The following HYDIN variants were observed in gnomAD, a reference collection of about 807,000 sequenced individuals.
HYDIN encodes the protein axonemal central pair apparatus protein HYDIN.
In HYDIN, 132 loss-of-function variants were observed where a neutral mutation model predicts 403.9. The ratio of observed to expected loss-of-function variants is 0.33; its 90% CI spans 0.28 to 0.38. The LOEUF (loss-of-function observed/expected upper bound fraction) is 0.38, where lower values mean the gene tolerates loss of function less well. Ranked by LOEUF, HYDIN falls within the 10% of genes least tolerant of loss-of-function variation. The pLI is 1.00. For synonymous variants in HYDIN, 1,202 were observed against 1,891.7 expected, an observed-to-expected ratio of 0.64 and a Z score of 9.46; for missense variants, 2,827 against 5,009.5, an observed-to-expected ratio of 0.56 and a Z score of 13.15.
chr16:70,967,033 G>A (rs2078597929), intron 36 of HYDIN, among the ~76,000 whole-genome samples: 1 of 151,686 alleles, frequency 6.6e-6, no homozygotes, highest in African/African-American at 2.4e-5. Context: ...TAAATTAGAG[G>A]ATGGAAAGGG....
intron 19 of HYDIN, among the ~76,000 whole-genome samples, chr16:71,030,329 T>C (rs2080859249): frequency 6.6e-6 from 1 of 151,804 alleles, no homozygotes; most frequent in South Asian, 2.1e-4. Flanking sequence ...AGTGCTGGGA[T>C]CATAGGCATA....
At chr16:71,029,796 A>G (rs971501333) in intron 19 of HYDIN, among the ~76,000 whole-genome samples, 1 of 152,006 alleles carries the variant, frequency 6.6e-6, no homozygotes, top group Non-Finnish European at 1.5e-5. Context: ...AGCAGAGGGA[A>G]GGATTCTGGG....
In HYDIN at chr16:70,892,460, C is replaced by A. The variant is rs767521129; in HGVS notation, c.9318G>T (p.Lys3106Asn). ...INSMISVQPK[K>N]GSLTPTEKPT... ...GTTTTTCTGTTGGGGTCAGTGAACC[C>A]TTTTTGGGTTGGACTGAGATCATGG... Residue 3106 changes from lysine (K) to asparagine (N), a missense_variant, in exon 56 of 86, where the codon AAG (lysine) becomes AAT (asparagine). Physicochemically the swap from Lys to Asn is moderately conservative, Grantham distance 94. Coordinates refer to ENST00000393567, the MANE Select transcript of HYDIN (RefSeq NM_001270974.2). 9 of 1,602,374 alleles carry A rather than the reference C, an allele frequency of 5.6e-6. No homozygotes were observed. The Admixed American group carries it at 1.6e-4, about 28-fold the overall frequency.
chr16:70,997,021 C>G (rs2079553173), intron 23 of HYDIN, among the ~76,000 whole-genome samples: 1 of 150,876 alleles, frequency 6.6e-6, no homozygotes, highest in Non-Finnish European at 1.5e-5. Flanking sequence ...ACTAGATGGT[C>G]CCATCAGGGG....
At chr16:71,108,552 G>C (rs1416613261) in intron 10 of HYDIN, among the ~76,000 whole-genome samples, 2 of 151,898 alleles carry the variant, frequency 1.3e-5, no homozygotes, top group African/African-American at 4.8e-5. Context: ...GTTTCCAATC[G>C]TTGCTACAAG....
chr16:70,997,233 T>C (rs1597498017), intron 23 of HYDIN, among the ~76,000 whole-genome samples: 1 of 135,920 alleles, frequency 7.4e-6, no homozygotes, highest in Admixed American at 7.5e-5. Flanking sequence ...CTTCGCTTGC[T>C]CACCCGCCAC....
chr16:70,888,794 C>A (rs564736564), intron 58 of HYDIN, among the ~76,000 whole-genome samples: 11 of 152,130 alleles, frequency 7.2e-5, no homozygotes, highest in African/African-American at 2.4e-4. Context: ...AGTCTAGACT[C>A]TCTATTTGGC....
Position 70,833,001 on chromosome 16 carries a change from G to A in HYDIN, c.13746C>T (p.Thr4582=). The A allele has an allele frequency of 6.2e-7, 1 of 1,614,152 alleles. No individual in the cohort carries two copies. The highest frequency in any genetic ancestry group is 1.7e-5 in the Admixed American group (1 of 60,018). Residue 4582 remains threonine (T), a synonymous_variant, in exon 80 of 86, where the codon ACC becomes ACT. Coordinates refer to ENST00000393567, the MANE Select transcript of HYDIN (RefSeq NM_001270974.2). The part of the protein sequence containing the change: ...FSISPEEGYI[T]SGMEVSFEVT... ...CTTCAAAAGAAACCTCCATGCCTGA[G>A]GTAATATAGCCTTCTTCTGGGCTAA...
chr16:71,026,166 C>T (rs1250839279), intron 20 of HYDIN, among the ~76,000 whole-genome samples: 26 of 152,398 alleles, frequency 1.7e-4, no homozygotes, highest in Admixed American at 1.4e-3. Context: ...TCCCAAAGTG[C>T]TGGGATTACA....
At chr16:71,190,614 G>A (rs377181908) in intron 1 of HYDIN, among the ~76,000 whole-genome samples, 6 of 152,104 alleles carry the variant, frequency 3.9e-5, no homozygotes, top group East Asian at 1.9e-4. Flanking sequence ...TTACCATTTT[G>A]CAGCCCCTAA....
At chr16:71,193,512 T>C (rs188379077) in intron 1 of HYDIN, among the ~76,000 whole-genome samples, 102 of 152,288 alleles carry the variant, frequency 6.7e-4, no homozygotes, top group Admixed American at 2.4e-3. Flanking sequence ...ATTTGCACCA[T>C]TGAATTCTAA....
intron 23 of HYDIN, among the ~76,000 whole-genome samples, chr16:70,999,420 A>G (rs1440571088): frequency 3.3e-5 from 5 of 152,010 alleles, no homozygotes; most frequent in Non-Finnish European, 7.4e-5. Context: ...ACTATTCCCT[A>G]CCAGGAACTA....
chr16:70,961,399 T>C (rs1039910624), intron 38 of HYDIN, among the ~76,000 whole-genome samples: 1 of 152,138 alleles, frequency 6.6e-6, no homozygotes, highest in South Asian at 2.1e-4. Context: ...GCCTCACCCA[T>C]GATTCCTATT....
At chr16:70,874,777 G>A (rs1472199074) in intron 63 of HYDIN, 40 bp downstream of exon 63, 3 of 1,591,784 alleles carry the variant, frequency 1.9e-6, no homozygotes, top group Non-Finnish European at 2.6e-6. Flanking sequence ...AGCAGCTACT[G>A]AGATCCATTG....
At chr16:71,092,822 C>T (rs2083152880) in intron 11 of HYDIN, among the ~76,000 whole-genome samples, 1 of 141,248 alleles carries the variant, frequency 7.1e-6, no homozygotes, top group African/African-American at 2.8e-5. Context: ...CTCAAGTGAT[C>T]CACTGCCTTG....
chr16:71,220,774 T>C (rs1366549510), intron 1 of HYDIN, among the ~76,000 whole-genome samples: 1 of 152,214 alleles, frequency 6.6e-6, no homozygotes, highest in Non-Finnish European at 1.5e-5. Flanking sequence ...TTTAATTTTT[T>C]ACAAGGAGTA....
intron 10 of HYDIN, among the ~76,000 whole-genome samples, chr16:71,102,103 T>C (rs1457373788): frequency 3.9e-5 from 6 of 152,076 alleles, no homozygotes; most frequent in Non-Finnish European, 7.4e-5. Context: ...AAGTTATATA[T>C]TGTTATGGGT....
At position 70,807,452 on chromosome 16, in the gene HYDIN, A is replaced by G. The variant is rs1460741720; in HGVS notation, c.*128T>C. On this transcript the variant is annotated 3_prime_UTR_variant, in exon 86 of 86. Transcript: ENST00000393567. ...ATATTTGGAAAACACATAATAGGGA[A>G]ATAACTGCCCTATAATTGTATGAGA... 1 of 1,041,954 alleles carries G rather than the reference A, an allele frequency of 9.6e-7. No individual in the cohort carries two copies. The highest frequency in any genetic ancestry group is 2.4e-5 in the Admixed American group (1 of 41,644). 64.5% of individuals were successfully genotyped at this position (1,041,954 alleles called of 1,614,324 possible).
chr16:70,951,463 C>G (rs1314401123), intron 41 of HYDIN, among the ~76,000 whole-genome samples: 1 of 152,132 alleles, frequency 6.6e-6, no homozygotes, highest in Non-Finnish European at 1.5e-5. Flanking sequence ...CTCCTCGTTG[C>G]TTCCCTCAAA....
Sources: gnomAD v4.1 joint callset for allele counts (sites outside exome capture counted in the v4.1 genomes callset) on GRCh38, gnomAD v4.1.1 for gene constraint, MANE v1.5 for transcripts, NCBI Gene and HGNC (gene_info 2026-07-23, HGNC 2026-07-21) for gene names.